Variants in PGR observed in about 807,000 individuals in gnomAD.
PGR encodes nuclear receptor subfamily 3 group C member 3.
Under a neutral mutation model 76.1 loss-of-function variants are expected in PGR, and 25 were observed. That is an observed-to-expected ratio of 0.33 (90% CI 0.24 to 0.46). The LOEUF (loss-of-function observed/expected upper bound fraction) is 0.46. PGR is among the 20% of genes least tolerant of loss of function. The probability of loss-of-function intolerance (pLI) is 1.00; values close to 1 mark genes in which losing one functional copy is unlikely to be tolerated. For synonymous variants in PGR, 579 were observed against 535.0 expected (o/e 1.08, Z -1.14); for missense variants, 1,172 against 1,225.3 (o/e 0.96, Z 0.65).
chr11:101,082,479 A>T (rs920226526), intron 3 of PGR, among the ~76,000 whole-genome samples: 126 of 152,224 alleles, frequency 8.3e-4, no homozygotes, highest in African/African-American at 2.8e-3. Context: ...CTTCCTGGAG[A>T]CTTGTTGAAT....
chr11:101,059,842 C>CAAAAAAAAAAAAAAAAAAAAAA (rs781123527), intron 4 of PGR, among the ~76,000 whole-genome samples: 1 of 62,808 alleles, frequency 1.6e-5, no homozygotes, highest in African/African-American at 5.7e-5. Context: ...GACCCTCTCT[C>CAAAAAAAAAAAAAAAAAAAAAA]AAAAAAAAAA....
chr11:101,050,231 T>C (rs981453115), intron 5 of PGR, among the ~76,000 whole-genome samples, 172 bp from the exon 6 acceptor site: 4 of 152,178 alleles, frequency 2.6e-5, no homozygotes, highest in Non-Finnish European at 5.9e-5. Flanking sequence ...AAACATCTTC[T>C]AAACTTTTCA....
At chr11:101,091,113 T>A (rs1371534363) in intron 3 of PGR, among the ~76,000 whole-genome samples, 1 of 152,220 alleles carries the variant, frequency 6.6e-6, no homozygotes, top group Non-Finnish European at 1.5e-5. Flanking sequence ...CTTGCATAAC[T>A]GTGGCTCGCT....
chr11:101,051,663 T>C, intron 4 of PGR, 95 bp from the exon 5 acceptor site: 1 of 880,822 alleles, frequency 1.1e-6, no homozygotes, highest in Non-Finnish European at 1.9e-6. Flanking sequence ...TAGGTATGCG[T>C]AGGGTAATAA....
intron 2 of PGR, among the ~76,000 whole-genome samples, 190 bp downstream of exon 2, chr11:101,125,817 T>C (rs1268083232): frequency 2.0e-5 from 3 of 152,174 alleles, no homozygotes; most frequent in Admixed American, 6.5e-5. Context: ...GCAATTATAG[T>C]ACCCAACCAC....
At position 101,037,892 on chromosome 11, in the gene PGR, G is replaced by C. The variant is rs754932939; in HGVS notation, c.*1224C>G. ...TTATATGGCTCCCAGACTCCCAGGA[G>C]AGTCACAATTGTAAAATAACATGCT... On this transcript the variant is annotated 3_prime_UTR_variant, in exon 8 of 8. Transcript: ENST00000325455. The C allele has an allele frequency of 9.2e-6, 2 of 216,520 alleles. No homozygotes were observed. Among genetic ancestry groups the C allele is most frequent in the Admixed American group, 5.8e-5 (1 of 17,154 alleles). The allele number at this position is 216,520 out of a possible 1,614,324, so 13.4% of individuals were successfully genotyped here. A position where few individuals can be genotyped will look rare whatever the true frequency, so the allele number is the denominator to read the frequency against.
At chr11:101,116,263 T>C (rs545357257) in intron 2 of PGR, among the ~76,000 whole-genome samples, 18 of 152,358 alleles carry the variant, frequency 1.2e-4, no homozygotes, top group Non-Finnish European at 2.4e-4. Context: ...TTCAATATTC[T>C]TCAAGTTTCA....
chr11:101,059,947 AT>A (rs1232645668), intron 4 of PGR, among the ~76,000 whole-genome samples: 1 of 152,188 alleles, frequency 6.6e-6, no homozygotes, highest in Non-Finnish European at 1.5e-5. Context: ...ATCCAAGATA[AT>A]GGAAGAGTGT....
chr11:101,106,668 G>A (rs1353241642), intron 2 of PGR, among the ~76,000 whole-genome samples: 1 of 152,130 alleles, frequency 6.6e-6, no homozygotes, highest in African/African-American at 2.4e-5. Flanking sequence ...AATTCCTCAA[G>A]GATCTAGAAC....
intron 3 of PGR, 108 bp downstream of exon 3, chr11:101,091,652 G>A: frequency 1.6e-5 from 12 of 734,576 alleles, no homozygotes; most frequent in Non-Finnish European, 2.7e-5. Flanking sequence ...CAATAATCAA[G>A]ACAGAAAAAA....
intron 1 of PGR, 74 bp downstream of exon 1, chr11:101,127,360 G>A (rs1862874057): frequency 3.4e-6 from 4 of 1,192,914 alleles, no homozygotes; most frequent in South Asian, 1.6e-5. Flanking sequence ...CTGGGGCTGA[G>A]GGTTGGCGGC....
chr11:101,077,270 G>T (rs577099252), intron 3 of PGR, among the ~76,000 whole-genome samples: 183 of 152,096 alleles, frequency 1.2e-3, no homozygotes, highest in African/African-American at 4.1e-3. Flanking sequence ...TGACCACTGC[G>T]CAGTGCTGGG....
intron 3 of PGR, among the ~76,000 whole-genome samples, chr11:101,089,215 A>G (rs1221896689): frequency 6.6e-6 from 1 of 152,152 alleles, no homozygotes; most frequent in Non-Finnish European, 1.5e-5. Flanking sequence ...CGATAGCTGG[A>G]AAAAAATGGT....
In PGR at chr11:101,040,445, T is replaced by C. The variant is rs561786; in HGVS notation, c.2647-1174A>G. Among the ~76,000 whole-genome samples, 21 of 152,194 alleles carry C rather than the reference T, an allele frequency of 1.4e-4. No individual in the cohort carries two copies. The East Asian group carries it at 1.9e-3, about 14-fold the overall frequency. On this transcript the variant is annotated intron_variant, in intron 7 of 7. Coordinates refer to ENST00000325455, the MANE Select transcript of PGR (RefSeq NM_000926.4). ...TAGCAGTTCTTGAGAAAGTTGTATC[T>C]GAGGTAAACTCTAGGAGACCTTGCA...
chr11:101,066,429 G>A (rs530809509), intron 3 of PGR, among the ~76,000 whole-genome samples: 1 of 152,088 alleles, frequency 6.6e-6, no homozygotes, highest in East Asian at 1.9e-4. Flanking sequence ...AAATCTTTGA[G>A]TACACCAAGC....
intron 3 of PGR, among the ~76,000 whole-genome samples, chr11:101,072,246 G>C (rs928551570): frequency 3.3e-5 from 5 of 152,114 alleles, no homozygotes; most frequent in Admixed American, 2.6e-4. Context: ...AAGCAAAGGA[G>C]AAATAAACTC....
chr11:101,107,886 A>G (rs1862221345), intron 2 of PGR, among the ~76,000 whole-genome samples: 1 of 118,500 alleles, frequency 8.4e-6, no homozygotes, highest in African/African-American at 2.6e-5. Flanking sequence ...AAAAAGAAAG[A>G]AAAAGGTAGA....
At chr11:101,116,229 T>C (rs933054355) in intron 2 of PGR, among the ~76,000 whole-genome samples, 4 of 152,232 alleles carry the variant, frequency 2.6e-5, no homozygotes, top group Admixed American at 2.6e-4. Flanking sequence ...TAATTCATGA[T>C]ACAGAGTAAC....
chr11:101,081,027 GAA>G (rs1211210818), intron 3 of PGR, among the ~76,000 whole-genome samples: 1 of 152,134 alleles, frequency 6.6e-6, no homozygotes, highest in African/African-American at 2.4e-5. Context: ...GAAAGTAGGA[GAA>G]AAAGAAAACA....
Sources: allele counts gnomAD v4.1 joint callset (sites outside exome capture counted in the v4.1 genomes callset), GRCh38; gene constraint gnomAD v4.1.1; transcripts MANE v1.5; gene names NCBI Gene and HGNC (gene_info 2026-07-23, HGNC 2026-07-21).